Variants in SOX5 observed in about 807,000 individuals in gnomAD.
SOX5 encodes transcription factor SOX-5.
A neutral mutation model predicts 92.0 loss-of-function variants in SOX5; 9 were observed. That is an observed-to-expected ratio of 0.10 (90% CI 0.06 to 0.17). The LOEUF (loss-of-function observed/expected upper bound fraction) is 0.17, where lower values mean the gene tolerates loss of function less well. Ranked by LOEUF, SOX5 falls within the 10% of genes least tolerant of loss-of-function variation. The pLI is 1.00. For missense variants in SOX5, 642 were observed against 944.5 expected, an observed-to-expected ratio of 0.68 and a Z score of 4.20; for synonymous variants, 344 against 336.3, an observed-to-expected ratio of 1.02 and a Z score of -0.25.
intron 4 of SOX5, among the ~76,000 whole-genome samples, chr12:24,130,720 A>G (rs1256255872): frequency 6.6e-6 from 1 of 152,136 alleles, no homozygotes; most frequent in Non-Finnish European, 1.5e-5. Flanking sequence ...AGAGCTGACC[A>G]TGGCTGTCTC....
chr12:24,188,610 G>A (rs1219104928), intron 4 of SOX5, among the ~76,000 whole-genome samples: 1 of 152,002 alleles, frequency 6.6e-6, no homozygotes, highest in African/African-American at 2.4e-5. Flanking sequence ...AAAAACAGTA[G>A]AAAAATGCAA....
intron 4 of SOX5, among the ~76,000 whole-genome samples, chr12:24,009,579 T>A (rs1044057869): frequency 1.3e-5 from 2 of 152,074 alleles, no homozygotes; most frequent in African/African-American, 2.4e-5. Flanking sequence ...CAGGCTCTAT[T>A]TCAGCAGATT....
rs1386116375 is a variant in SOX5 at position 24,506,782 on chromosome 12, G to GTTTTTTTTTT, written c.-251+55546_-251+55547insAAAAAAAAAA. 5.1e-4 allele frequency among the ~76,000 whole-genome samples: 41 copies of GTTTTTTTTTT among 80,268 alleles called. 1 individual carries two copies. Among genetic ancestry groups the GTTTTTTTTTT allele is most frequent in the Non-Finnish European group, 6.6e-4 (28 of 42,194 alleles). 52.7% of individuals were successfully genotyped at this position (80,268 alleles called of 152,430 possible). On this transcript the variant is annotated intron_variant, in intron 1 of 4. Transcript: ENST00000446891. ...ACCTGTATTTCATGGTATCCAAATGGTCTTTTTTTTTTTTTTTTTTTTTTG... is the reference window on the plus strand; with the variant it reads ...ACCTGTATTTCATGGTATCCAAATGGTTTTTTTTTTTCTTTTTTTTTTTTTTTTTTTTTTG...
chr12:24,210,727 G>T (rs776415645), intron 4 of SOX5, among the ~76,000 whole-genome samples: 1 of 151,936 alleles, frequency 6.6e-6, no homozygotes, highest in Non-Finnish European at 1.5e-5. Flanking sequence ...AGAATTCTGT[G>T]AATTAAAGAC....
At chr12:23,713,101 T>C (rs1163628801) in intron 6 of SOX5, among the ~76,000 whole-genome samples, 1 of 152,164 alleles carries the variant, frequency 6.6e-6, no homozygotes, top group African/African-American at 2.4e-5. Flanking sequence ...AGTTTCCTTA[T>C]AAGAGAATGG....
chr12:24,219,508 TTCTA>T (rs1467629165), intron 3 of SOX5, among the ~76,000 whole-genome samples: 5 of 152,082 alleles, frequency 3.3e-5, no homozygotes, highest in African/African-American at 4.8e-5. Context: ...AGTTCCCCAC[TTCTA>T]TCTATTTAAT....
In SOX5 at chr12:24,235,700, A is replaced by T. The variant is rs189820920; in HGVS notation, c.-76-22283T>A. ...GAATTTCATTATAACTAGTGATTTC[A>T]TATGTTAATGATACTTAAGTCTCAT... On this transcript the variant is annotated intron_variant, in intron 3 of 4. Transcript: ENST00000446891. Among the ~76,000 whole-genome samples the T allele has an allele frequency of 1.1e-3, 165 of 152,318 alleles. 1 individual carries two copies. In the Middle Eastern group the frequency reaches 0.014, roughly 13 times the overall value.
At chr12:24,041,855 TA>T (rs1956559885) in intron 4 of SOX5, among the ~76,000 whole-genome samples, 1 of 152,134 alleles carries the variant, frequency 6.6e-6, no homozygotes, top group Admixed American at 6.5e-5. Flanking sequence ...GACAAACTAA[TA>T]AATTTGGTAA....
intron 4 of SOX5, among the ~76,000 whole-genome samples, chr12:24,127,595 T>G (rs1210369525): frequency 6.6e-6 from 1 of 152,174 alleles, no homozygotes; most frequent in Admixed American, 6.5e-5. Context: ...TCACTTCAGC[T>G]GTTGCCACAG....
At chr12:24,248,444 A>G (rs1024988196) in intron 3 of SOX5, among the ~76,000 whole-genome samples, 1 of 152,290 alleles carries the variant, frequency 6.6e-6, no homozygotes, top group Non-Finnish European at 1.5e-5. Context: ...TCTATTGCCC[A>G]AGGCTAAAGT....
intron 6 of SOX5, among the ~76,000 whole-genome samples, chr12:23,730,925 G>A (rs1272536118): frequency 6.6e-6 from 1 of 152,196 alleles, no homozygotes; most frequent in Non-Finnish European, 1.5e-5. Flanking sequence ...TTATGCCGGG[G>A]TGTGTTGTGA....
At chr12:23,773,518 C>T (rs1446362399) in intron 3 of SOX5, among the ~76,000 whole-genome samples, 5 of 152,058 alleles carry the variant, frequency 3.3e-5, no homozygotes, top group African/African-American at 7.2e-5. Flanking sequence ...ACTACAGGCA[C>T]GTGCCACCAC....
intron 2 of SOX5, among the ~76,000 whole-genome samples, chr12:24,295,063 A>T (rs1947045605): frequency 6.6e-6 from 1 of 152,152 alleles, no homozygotes; most frequent in Non-Finnish European, 1.5e-5. Context: ...GCACAGACAT[A>T]TATAGAACGT....
At chr12:24,454,031 C>T (rs1399447022) in intron 1 of SOX5, among the ~76,000 whole-genome samples, 2 of 152,022 alleles carry the variant, frequency 1.3e-5, no homozygotes, top group African/African-American at 2.4e-5. Flanking sequence ...TATCTGTGAC[C>T]CAATTTGCTA....
intron 1 of SOX5, among the ~76,000 whole-genome samples, chr12:23,900,658 A>C (rs1595494679): frequency 6.6e-6 from 1 of 152,142 alleles, no homozygotes; most frequent in East Asian, 1.9e-4. Context: ...CAATGTTGCA[A>C]ATAATTTGTA....
intron 2 of SOX5, among the ~76,000 whole-genome samples, chr12:24,358,583 G>C (rs921861950): frequency 1.3e-5 from 2 of 150,278 alleles, no homozygotes; most frequent in Admixed American, 1.3e-4. Context: ...CTGCACTCCA[G>C]CCTGGGCAAC....
chr12:23,678,417 C>G (rs1566924410), intron 6 of SOX5, among the ~76,000 whole-genome samples: 1 of 152,024 alleles, frequency 6.6e-6, no homozygotes, highest in African/African-American at 2.4e-5. Context: ...ACCATGGGTA[C>G]CTTACTAAAT....
chr12:23,813,017 A>T (rs1484750117), intron 3 of SOX5, among the ~76,000 whole-genome samples: 2 of 152,222 alleles, frequency 1.3e-5, no homozygotes, highest in African/African-American at 4.8e-5. Context: ...ACAACAGCAA[A>T]AAATCACACA....
At chr12:24,440,261 C>T (rs78303156) in intron 1 of SOX5, among the ~76,000 whole-genome samples, 6 of 152,158 alleles carry the variant, frequency 3.9e-5, no homozygotes, top group Admixed American at 1.3e-4. Context: ...GACTGAGGAA[C>T]CCCCTCAACT....
Sources: allele counts gnomAD v4.1 joint callset (sites outside exome capture counted in the v4.1 genomes callset), GRCh38; gene constraint gnomAD v4.1.1; transcripts MANE v1.5; gene names NCBI Gene and HGNC (gene_info 2026-07-23, HGNC 2026-07-21).